MYT1L: variants seen among roughly 807,000 people sequenced by gnomAD.
The protein encoded by MYT1L is myelin transcription factor 1 like.
In MYT1L, 12 loss-of-function variants were observed where a neutral mutation model predicts 126.7. The observed-to-expected ratio is 0.09, with a 90% CI of 0.06 to 0.15. The LOEUF (loss-of-function observed/expected upper bound fraction) is 0.15. Ranked by LOEUF, MYT1L falls within the 10% of genes least tolerant of loss-of-function variation. The pLI is 1.00. For missense variants in MYT1L, 979 were observed against 1,585.2 expected, an observed-to-expected ratio of 0.62 and a Z score of 6.49; for synonymous variants, 541 against 604.2, an observed-to-expected ratio of 0.90 and a Z score of 1.53.
At chr2:1,794,921 C>G (rs2033112315) in intron 23 of MYT1L, among the ~76,000 whole-genome samples, 1 of 152,242 alleles carries the variant, frequency 6.6e-6, no homozygotes, top group South Asian at 2.1e-4. Flanking sequence ...AACCAGGCTG[C>G]TTGGTGAGCC....
chr2:2,200,093 C>T (rs1213459213), intron 2 of MYT1L, among the ~76,000 whole-genome samples: 1 of 152,036 alleles, frequency 6.6e-6, no homozygotes, highest in Non-Finnish European at 1.5e-5. Flanking sequence ...TGCTTCCCAC[C>T]GTGGCACTAT....
At chr2:2,220,467 G>C (rs992868679) in intron 2 of MYT1L, among the ~76,000 whole-genome samples, 1 of 152,170 alleles carries the variant, frequency 6.6e-6, no homozygotes, top group African/African-American at 2.4e-5. Flanking sequence ...TTCTTTTGAA[G>C]TCTCATAGTG....
intron 1 of MYT1L, among the ~76,000 whole-genome samples, chr2:2,298,850 T>A (rs930465422): frequency 1.3e-5 from 2 of 152,120 alleles, no homozygotes; most frequent in African/African-American, 4.8e-5. Context: ...TTTATTTTTT[T>A]ATTTTATTAT....
chr2:2,251,423 C>T (rs1390201820), intron 2 of MYT1L, among the ~76,000 whole-genome samples: 1 of 152,192 alleles, frequency 6.6e-6, no homozygotes. Context: ...AATGCCATCA[C>T]CAATGCTGTC....
intron 3 of MYT1L, among the ~76,000 whole-genome samples, chr2:2,054,678 G>A (rs1022418375): frequency 6.6e-6 from 1 of 151,874 alleles, no homozygotes; most frequent in Non-Finnish European, 1.5e-5. Flanking sequence ...ATGGAGGTGA[G>A]AAGCATAAAG....
intron 2 of MYT1L, among the ~76,000 whole-genome samples, chr2:2,195,315 T>C (rs1368406157): frequency 1.3e-5 from 2 of 152,194 alleles, no homozygotes; most frequent in East Asian, 1.9e-4. Context: ...AGGCTTCCAG[T>C]TGGGATCCCA....
intron 3 of MYT1L, among the ~76,000 whole-genome samples, chr2:2,140,910 T>G (rs2083880424): frequency 6.6e-6 from 1 of 152,220 alleles, no homozygotes. Flanking sequence ...TTGTTCGGAA[T>G]TAGGCAATTG....
At chr2:1,952,600 T>C (rs1334598137) in intron 8 of MYT1L, among the ~76,000 whole-genome samples, 1 of 151,544 alleles carries the variant, frequency 6.6e-6, no homozygotes, top group Non-Finnish European at 1.5e-5. Context: ...TCTGTTCCTT[T>C]AAAGCTGAAA....
intron 3 of MYT1L, among the ~76,000 whole-genome samples, chr2:2,146,081 T>C (rs1205316825): frequency 6.6e-6 from 1 of 152,230 alleles, no homozygotes; most frequent in African/African-American, 2.4e-5. Context: ...CCAAGGCTGA[T>C]TCCAATGGCC....
At chr2:2,217,722 A>T (rs1432657197) in intron 2 of MYT1L, among the ~76,000 whole-genome samples, 1 of 145,754 alleles carries the variant, frequency 6.9e-6, no homozygotes, top group Admixed American at 6.7e-5. Context: ...AAAAAAAAGA[A>T]AGAAGGAAAA....
At chr2:2,132,766 G>C (rs147201900) in intron 3 of MYT1L, among the ~76,000 whole-genome samples, 1 of 152,236 alleles carries the variant, frequency 6.6e-6, no homozygotes, top group Non-Finnish European at 1.5e-5. Context: ...GAGAGACAAA[G>C]AGAGAGAAAG....
chr2:2,038,159 C>G (rs779739467), intron 4 of MYT1L, among the ~76,000 whole-genome samples: 3 of 152,214 alleles, frequency 2.0e-5, no homozygotes, highest in Non-Finnish European at 4.4e-5. Flanking sequence ...TGATGTGTGC[C>G]TCTCACGGGA....
chr2:2,229,597 T>C (rs571955691), intron 2 of MYT1L, among the ~76,000 whole-genome samples: 1 of 143,144 alleles, frequency 7.0e-6, no homozygotes, highest in Non-Finnish European at 1.5e-5. Flanking sequence ...GGAGATTTCT[T>C]TTTTTTTCAG....
At chr2:1,840,059 G>T (rs761148237) in intron 20 of MYT1L, among the ~76,000 whole-genome samples, 1 of 152,234 alleles carries the variant, frequency 6.6e-6, no homozygotes, top group Non-Finnish European at 1.5e-5. Flanking sequence ...CAGTGAGTTT[G>T]CCTGCATTGT....
chr2:2,251,591 G>T (rs2094651432), intron 2 of MYT1L, among the ~76,000 whole-genome samples: 1 of 152,168 alleles, frequency 6.6e-6, no homozygotes, highest in Non-Finnish European at 1.5e-5. Flanking sequence ...CATTGAGGAA[G>T]TACATAAGCC....
intron 2 of MYT1L, among the ~76,000 whole-genome samples, chr2:2,238,948 C>T (rs1339018696): frequency 6.6e-6 from 1 of 152,130 alleles, no homozygotes; most frequent in East Asian, 1.9e-4. Context: ...TGCCAAGAGC[C>T]TGCACAAAGA....
At chr2:2,075,208 C>T (rs1490499936) in intron 3 of MYT1L, among the ~76,000 whole-genome samples, 2 of 152,140 alleles carry the variant, frequency 1.3e-5, no homozygotes, top group South Asian at 2.1e-4. Context: ...GCATGGTGAT[C>T]GGCCTTTTTG....
At chr2:1,945,491 G>C (rs975050035) in intron 8 of MYT1L, among the ~76,000 whole-genome samples, 2 of 151,988 alleles carry the variant, frequency 1.3e-5, no homozygotes, top group Non-Finnish European at 2.9e-5. Context: ...TGCTGGGAGA[G>C]AGCGTGAGAG....
chr2:1,921,051 C>A (rs1197958099), intron 10 of MYT1L, among the ~76,000 whole-genome samples: 2 of 152,234 alleles, frequency 1.3e-5, no homozygotes, highest in African/African-American at 2.4e-5. Flanking sequence ...GAGGAGAATA[C>A]ACGTCTGTGC....
Sources: gnomAD v4.1 joint callset for allele counts (sites outside exome capture counted in the v4.1 genomes callset) on GRCh38, gnomAD v4.1.1 for gene constraint, MANE v1.5 for transcripts, NCBI Gene and HGNC (gene_info 2026-07-23, HGNC 2026-07-21) for gene names.